Variants in CDK5RAP1 observed in about 807,000 individuals in gnomAD.
CDK5RAP1 encodes the protein CDK5RAP1 mitochondrial tRNA methylthiotransferase, also known as mitochondrial tRNA methylthiotransferase CDK5RAP1.
In CDK5RAP1, 62 loss-of-function variants were observed where a neutral mutation model predicts 64.5. The ratio of observed to expected loss-of-function variants is 0.96; its 90% CI spans 0.78 to 1.19. The LOEUF (loss-of-function observed/expected upper bound fraction) is 1.19. CDK5RAP1 is among the 50% of genes most tolerant of loss of function. CDK5RAP1 has a pLI of 0.00. For synonymous variants in CDK5RAP1, 250 were observed against 261.9 expected, an observed-to-expected ratio of 0.95 and a Z score of 0.44; for missense variants, 657 against 735.0, an observed-to-expected ratio of 0.89 and a Z score of 1.23.
intron 7 of CDK5RAP1, among the ~76,000 whole-genome samples, chr20:33,384,845 T>C (rs1210526355): frequency 6.6e-6 from 1 of 152,154 alleles, no homozygotes; most frequent in Non-Finnish European, 1.5e-5. Flanking sequence ...GATGCTGCAG[T>C]GAGCTCTGAC....
At chr20:33,370,975 T>C (rs1216334765) in intron 10 of CDK5RAP1, among the ~76,000 whole-genome samples, 2 of 152,162 alleles carry the variant, frequency 1.3e-5, no homozygotes, top group Non-Finnish European at 2.9e-5. Flanking sequence ...ATTTCTGAAT[T>C]TGGTTTGATA....
intron 7 of CDK5RAP1, among the ~76,000 whole-genome samples, chr20:33,381,609 A>G (rs1388955520): frequency 6.6e-6 from 1 of 152,020 alleles, no homozygotes; most frequent in Non-Finnish European, 1.5e-5. Context: ...TGTATTTTTT[A>G]GTAGAGACGG....
intron 8 of CDK5RAP1, among the ~76,000 whole-genome samples, chr20:33,377,401 C>T (rs998625869): frequency 1.3e-5 from 2 of 152,182 alleles, no homozygotes; most frequent in Admixed American, 6.6e-5. Context: ...TATGGCTTCC[C>T]CTTGCACTTT....
chr20:33,392,026 G>A, intron 5 of CDK5RAP1, 116 bp downstream of exon 5: 2 of 684,906 alleles, frequency 2.9e-6, no homozygotes, highest in South Asian at 1.8e-5. Flanking sequence ...GAATTGCATG[G>A]GATATATAAG....
At chr20:33,360,932 C>T (rs984457266) in intron 12 of CDK5RAP1, among the ~76,000 whole-genome samples, 1 of 152,176 alleles carries the variant, frequency 6.6e-6, no homozygotes, top group Non-Finnish European at 1.5e-5. Context: ...ATCTCCAACA[C>T]AACACACAGA....
intron 10 of CDK5RAP1, 68 bp from the exon 11 acceptor site, chr20:33,370,697 A>T: frequency 6.4e-7 from 1 of 1,557,488 alleles, no homozygotes; most frequent in Non-Finnish European, 8.8e-7. Context: ...CCTTCAGCAT[A>T]TGTGGATTAC....
At chr20:33,376,529 G>C (rs1190142023) in intron 8 of CDK5RAP1, among the ~76,000 whole-genome samples, 1 of 152,010 alleles carries the variant, frequency 6.6e-6, no homozygotes, top group African/African-American at 2.4e-5. Context: ...AAATATGACT[G>C]CTCATTGACA....
intron 10 of CDK5RAP1, 109 bp downstream of exon 10, chr20:33,372,533 G>C (rs1382171429): frequency 5.4e-6 from 3 of 551,030 alleles, no homozygotes; most frequent in Non-Finnish European, 9.6e-6. Flanking sequence ...GAGCACAAAA[G>C]TTATGAAACT....
At chr20:33,367,183 A>G (rs1370943391) in intron 11 of CDK5RAP1, among the ~76,000 whole-genome samples, 175 bp from the exon 12 acceptor site, 1 of 152,218 alleles carries the variant, frequency 6.6e-6, no homozygotes. Flanking sequence ...CAAGATAAAA[A>G]GGTAGTGGAG....
intron 9 of CDK5RAP1, chr20:33,372,909 T>TA: frequency 3.1e-6 from 1 of 322,812 alleles, no homozygotes; most frequent in Non-Finnish European, 5.4e-6. Flanking sequence ...TTTAAGGACA[T>TA]AAACTTTTTT....
chr20:33,359,041 G>C lies in CDK5RAP1; in HGVS notation c.*2C>G, dbSNP rs1200715601. On this transcript the variant is annotated 3_prime_UTR_variant, in exon 14 of 14. Coordinates refer to ENST00000346416, the MANE Select transcript of CDK5RAP1 (RefSeq NM_016408.4). ...AGTCAGCTCTGAGGCCATCCTCTCA[G>C]GTCAGCAATATGCAGAAGAGTCCCT... The C allele has an allele frequency of 1.2e-6, 2 of 1,608,200 alleles. No individual in the cohort carries two copies. The highest frequency in any genetic ancestry group is 1.7e-5 in the Admixed American group (1 of 59,984).
At chr20:33,395,276 G>A (rs1351261919) in intron 2 of CDK5RAP1, among the ~76,000 whole-genome samples, 160 bp from the exon 3 acceptor site, 3 of 152,096 alleles carry the variant, frequency 2.0e-5, no homozygotes, top group Non-Finnish European at 4.4e-5. Context: ...ATTGCCAGAT[G>A]TACCCCCAAG....
chr20:33,395,266 A>C, intron 2 of CDK5RAP1, 150 bp from the exon 3 acceptor site: 2 of 590,116 alleles, frequency 3.4e-6, no homozygotes, highest in African/African-American at 1.9e-5. Flanking sequence ...GATAACATAA[A>C]TTGCCAGATG....
intron 8 of CDK5RAP1, among the ~76,000 whole-genome samples, chr20:33,375,030 GA>G (rs1005671927): frequency 1.3e-5 from 2 of 148,484 alleles, no homozygotes; most frequent in Non-Finnish European, 3.0e-5. Context: ...GAAGAAAAAA[GA>G]AAAAAAAAGA....
chr20:33,400,070 C>T (rs188487300), intron 1 of CDK5RAP1, among the ~76,000 whole-genome samples: 106 of 152,256 alleles, frequency 7.0e-4, no homozygotes, highest in South Asian at 4.1e-4. Context: ...ATGGAATGCA[C>T]AAACTAGATG....
intron 8 of CDK5RAP1, among the ~76,000 whole-genome samples, chr20:33,374,484 G>C (rs1985652574): frequency 6.6e-6 from 1 of 152,002 alleles, no homozygotes; most frequent in South Asian, 2.1e-4. Flanking sequence ...GCTGAATACA[G>C]GTAGTGCTGA....
chr20:33,393,546 T>C (rs1410188003), intron 4 of CDK5RAP1, among the ~76,000 whole-genome samples: 1 of 152,038 alleles, frequency 6.6e-6, no homozygotes, highest in Admixed American at 6.6e-5. Context: ...ATTGACAGTA[T>C]AGCCGGATAG....
chr20:33,378,077 T>C (rs923917610), intron 8 of CDK5RAP1, among the ~76,000 whole-genome samples: 3 of 152,242 alleles, frequency 2.0e-5, no homozygotes, highest in East Asian at 1.9e-4. Flanking sequence ...CTGGTTGACA[T>C]AAGAGGCCTA....
intron 3 of CDK5RAP1, among the ~76,000 whole-genome samples, chr20:33,394,333 G>A (rs1169510493): frequency 2.0e-5 from 3 of 151,852 alleles, no homozygotes; most frequent in Admixed American, 6.6e-5. Flanking sequence ...TGTATTTTTA[G>A]TAGAGATGGG....
Sources: allele counts gnomAD v4.1 joint callset (sites outside exome capture counted in the v4.1 genomes callset), GRCh38; gene constraint gnomAD v4.1.1; transcripts MANE v1.5; gene names NCBI Gene and HGNC (gene_info 2026-07-23, HGNC 2026-07-21).